Variants in CYP2A6 observed in about 807,000 individuals in gnomAD.
The protein encoded by CYP2A6 is cytochrome P450 2A6.
In CYP2A6, 27 loss-of-function variants were observed where a neutral mutation model predicts 42.3. The observed-to-expected ratio is 0.64, with a 90% CI of 0.47 to 0.88. The LOEUF is 0.88. CYP2A6 is among the 40% of genes least tolerant of loss of function. The probability of loss-of-function intolerance (pLI) is 0.00; values close to 1 mark genes in which losing one functional copy is unlikely to be tolerated. For synonymous variants in CYP2A6, 238 were observed against 246.3 expected, an observed-to-expected ratio of 0.97 and a Z score of 0.31; for missense variants, 628 against 646.0, an observed-to-expected ratio of 0.97 and a Z score of 0.30.
intron 4 of CYP2A6, among the ~76,000 whole-genome samples, chr19:40,847,431 G>A (rs957302672): frequency 6.6e-6 from 1 of 151,438 alleles, no homozygotes; most frequent in African/African-American, 2.4e-5. Flanking sequence ...AGGTATTTAG[G>A]CATTCAAGTA....
intron 4 of CYP2A6, among the ~76,000 whole-genome samples, chr19:40,847,999 T>G (rs1967129173): frequency 2.0e-5 from 3 of 151,738 alleles, no homozygotes; most frequent in African/African-American, 7.3e-5. Context: ...CAGGCTCTGT[T>G]TTGGGGAGCA....
intron 8 of CYP2A6, 35 bp from the exon 9 acceptor site, chr19:40,844,012 C>G (rs1316574682): frequency 6.4e-7 from 1 of 1,558,992 alleles, no homozygotes; most frequent in Non-Finnish European, 8.7e-7. Context: ...GGAGGTGAAG[C>G]CCACTCTCAG....
chr19:40,848,758 C>A lies in CYP2A6; in HGVS notation c.349G>T (p.Val117Leu), dbSNP rs1599779838. The change falls in exon 3 of 9, where the codon GTA (valine) becomes TTA (leucine). Residue 117 changes from valine to leucine, a missense_variant. By Grantham distance (32) the Val-to-Leu change is conservative. Around this residue, in one of 2 missense-constraint regions of CYP2A6, gnomAD observed 606 missense variants for 568.1 expected, o/e 1.07. Transcript: ENST00000301141. ...FDWVFKGYGV[V>L]FSNGERAKQL... ...TTGGCGCGCTCCCCGTTGCTGAATA[C>A]CACGCCTGGGGAGGTGAACGCGGGA... The A allele has an allele frequency of 1.2e-6, 2 of 1,611,112 alleles. No individual in the cohort carries two copies. The highest frequency in any genetic ancestry group is 1.7e-6 in the Non-Finnish European group (2 of 1,179,732).
In CYP2A6 at chr19:40,849,503, G is replaced by T. The variant is rs1430720126; in HGVS notation, c.343+315C>A. Among the ~76,000 whole-genome samples the T allele has an allele frequency of 3.8e-4, 57 of 151,340 alleles. 2 individuals carry two copies. Among genetic ancestry groups the T allele is most frequent in the Non-Finnish European group, 1.2e-4 (8 of 67,962 alleles). On this transcript the variant is annotated intron_variant, in intron 2 of 8. Transcript: ENST00000301141. ...AGCTAAGAGGGACAAAAAGACAAAT[G>T]AAGACAGAGAACCAGGGCTGGAAAA...
chr19:40,845,871 T>A, intron 6 of CYP2A6, 85 bp downstream of exon 6: 4 of 1,551,676 alleles, frequency 2.6e-6, no homozygotes, highest in Non-Finnish European at 3.5e-6. Flanking sequence ...GGTCCCGGGA[T>A]CTGGGACAGG....
intron 6 of CYP2A6, among the ~76,000 whole-genome samples, chr19:40,845,705 A>C (rs1030830887): frequency 1.3e-5 from 2 of 151,400 alleles, no homozygotes; most frequent in African/African-American, 4.9e-5. Context: ...TTAGGGGATG[A>C]CCCGGTGGAA....
chr19:40,848,194 C>T (rs377467261), intron 4 of CYP2A6, 25 bp downstream of exon 4: 6 of 1,609,462 alleles, frequency 3.7e-6, no homozygotes, highest in Non-Finnish European at 5.1e-6. Context: ...GTAGGGGCGT[C>T]ACGGGCCGGG....
intron 5 of CYP2A6, 136 bp downstream of exon 5, chr19:40,846,739 C>G (rs1224266348): frequency 7.4e-7 from 1 of 1,343,984 alleles, no homozygotes; most frequent in Non-Finnish European, 1.0e-6. Flanking sequence ...CTGTTAGCCA[C>G]GGCACCCAGC....
At chr19:40,848,578 C>G (rs372648888) in intron 3 of CYP2A6, 36 bp downstream of exon 3, 135 of 1,605,098 alleles carry the variant, frequency 8.4e-5, no homozygotes, top group Non-Finnish European at 1.1e-4. Context: ...GGGTGTTTTC[C>G]TTCTCCTGCC....
Position 40,848,246 on chromosome 19 carries a change from G to A in CYP2A6, c.627C>T (p.Phe209=). The A allele has an allele frequency of 1.9e-6, 3 of 1,611,836 alleles. No individual in the cohort carries two copies. The highest frequency in any genetic ancestry group is 2.5e-6 in the Non-Finnish European group (3 of 1,179,938). The change falls in exon 4 of 9, where the codon TTC becomes TTT. Residue 209 remains phenylalanine, a synonymous_variant. Transcript: ENST00000301141. The part of the protein sequence containing the change: ...LSLLRMMLGI[F]QFTSTSTGQL... Reference sequence around the variant, plus strand: ...GCCCCGTGGAGGTTGACGTGAACTGGAAGATTCCTAGCATCATGCGCAACA... The same window carrying A: ...GCCCCGTGGAGGTTGACGTGAACTGAAAGATTCCTAGCATCATGCGCAACA...
rs59389036 is a variant in CYP2A6 at position 40,844,767 on chromosome 19, G to C, written c.1167C>G (p.Thr389=). The C allele has an allele frequency of 1.4e-5, 22 of 1,610,534 alleles. No homozygotes were observed. The highest frequency in any genetic ancestry group is 1.9e-5 in the Non-Finnish European group (22 of 1,179,332). The change falls in exon 8 of 9, where the codon ACC becomes ACG. Residue 389 remains threonine (T), a synonymous_variant. Coordinates refer to ENST00000301141, the MANE Select transcript of CYP2A6 (RefSeq NM_000762.6). The part of the protein sequence containing the change: ...KFRDFFLPKG[T]EVYPMLGSVL... ...CAGAGCCCAGCATAGGGTACACTTCGGTGCCCTGGTAGGGAGGAGGAAGTT... is the reference window on the plus strand; with the variant it reads ...CAGAGCCCAGCATAGGGTACACTTCCGTGCCCTGGTAGGGAGGAGGAAGTT...
chr19:40,844,721 A>G lies in CYP2A6; in HGVS notation c.1213T>C (p.Phe405Leu). ...LGSVLRDPSF[F>L]SNPQDFNPQH... is the part of the protein sequence containing the mutation. ...GGATTGAAGTCCTGGGGGTTGGAGA[A>G]GAAACTGGGGTCTCTCAGCACAGAG... The change falls in exon 8 of 9, where the codon TTC becomes CTC. Residue 405 changes from phenylalanine (F) to leucine (L), a missense_variant. Around this residue, in one of 2 missense-constraint regions of CYP2A6, gnomAD observed 606 missense variants for 568.1 expected, o/e 1.07. Coordinates refer to ENST00000301141, the MANE Select transcript of CYP2A6 (RefSeq NM_000762.6). 1.2e-6 allele frequency: 2 copies of G among 1,611,746 alleles called. No individual in the cohort carries two copies. The highest frequency in any genetic ancestry group is 1.7e-4 in the Middle Eastern group (1 of 6,060).
chr19:40,846,341 AGTTTTTTTTT>A (rs1599778260), intron 5 of CYP2A6, among the ~76,000 whole-genome samples: 1 of 144,148 alleles, frequency 6.9e-6, no homozygotes, highest in East Asian at 2.2e-4. Flanking sequence ...CTTAGCTGTC[AGTTTTTTTTT>A]GTTTTTTTTT....
Position 40,844,717 on chromosome 19 carries a change from G to C in CYP2A6, c.1217C>G (p.Ser406Cys), listed in dbSNP as rs757892208. The C allele has an allele frequency of 1.4e-5, 23 of 1,611,730 alleles. 2 individuals are homozygous for C. In the East Asian group the frequency reaches 4.8e-4, roughly 34 times the overall value. Residue 406 changes from serine to cysteine, a missense_variant, in exon 8 of 9, where the codon TCC becomes TGC. Ser to Cys is a moderately radical substitution (Grantham distance 112). Around this residue, in one of 2 missense-constraint regions of CYP2A6, gnomAD observed 606 missense variants for 568.1 expected, o/e 1.07. Transcript: ENST00000301141. ...GSVLRDPSFF[S>C]NPQDFNPQHF... ...CTGGGGATTGAAGTCCTGGGGGTTG[G>C]AGAAGAAACTGGGGTCTCTCAGCAC...
In CYP2A6 at chr19:40,846,879, T is replaced by G. The variant is rs1182943218; in HGVS notation, c.827A>C (p.Gln276Pro). Residue 276 changes from glutamine (Q) to proline (P), a missense_variant, in exon 5 of 9, where the codon CAG (glutamine) becomes CCG (proline). By Grantham distance (76) the Gln-to-Pro change is moderately conservative. Transcript: ENST00000301141. ...GCAGTGGCTGCTGGGGTGTACCTCC[T>G]GCATGCGGATGAGAAAGGAGTCAAT... ...DFIDSFLIRM[Q>P]EEEKNPNTEF... 7.4e-6 allele frequency: 12 copies of G among 1,611,788 alleles called. No homozygotes were observed. The highest frequency in any genetic ancestry group is 8.5e-6 in the Non-Finnish European group (10 of 1,179,866).
intron 5 of CYP2A6, among the ~76,000 whole-genome samples, chr19:40,846,467 C>G (rs539876412): frequency 6.6e-6 from 1 of 151,268 alleles, no homozygotes; most frequent in African/African-American, 2.4e-5. Context: ...ACTGCACATG[C>G]GCATGACCAT....
At position 40,844,555 on chromosome 19, in the gene CYP2A6, C is replaced by T. The variant is rs567580611; in HGVS notation, c.1303+76G>A. On this transcript the variant is annotated intron_variant, in intron 8 of 8. Coordinates refer to ENST00000301141, the MANE Select transcript of CYP2A6 (RefSeq NM_000762.6). ...AAGCTGGAGAAATACCAGGCTACAC[C>T]GCAGAGAGGGGAGGAGGGTGAGGGA... 18 of 1,607,566 alleles carry T rather than the reference C, an allele frequency of 1.1e-5. 1 individual carries two copies. In the Admixed American group the frequency reaches 1.2e-4, roughly 10 times the overall value.
chr19:40,843,967 G>A lies in CYP2A6; in HGVS notation c.1314C>T (p.Asn438=). 6.2e-7 allele frequency: 1 copy of A among 1,603,174 alleles called. No individual in the cohort carries two copies. The highest frequency in any genetic ancestry group is 1.3e-5 in the African/African-American group (1 of 74,372). The part of the protein sequence containing the change: ...AFVPFSIGKR[N]CFGEGLARME... ...TTCTGGCCAGGCCTTCTCCGAAACA[G>A]TTCCGCTTTCCTGAGGAGGAGAGGC... The change falls in exon 9 of 9, where the codon AAC becomes AAT. Residue 438 remains asparagine, a synonymous_variant. Coordinates refer to ENST00000301141, the MANE Select transcript of CYP2A6 (RefSeq NM_000762.6).
Position 40,849,978 on chromosome 19 carries a change from G to A in CYP2A6, c.183C>T (p.Ile61=). The change falls in exon 2 of 9, where the codon ATC becomes ATT. Residue 61 remains isoleucine (I), a splice_region_variant and synonymous_variant. Coordinates refer to ENST00000301141, the MANE Select transcript of CYP2A6 (RefSeq NM_000762.6). ...TEQMYNSLMK[I]SERYGPVFTI... Reference sequence around the variant, plus strand: ...TGAACACGGGGCCATAGCGCTCACTGATCTGATGGAGGTGGGTGGGAGTGG... The same window carrying A: ...TGAACACGGGGCCATAGCGCTCACTAATCTGATGGAGGTGGGTGGGAGTGG... The A allele has an allele frequency of 6.2e-7, 1 of 1,610,684 alleles. No homozygotes were observed. The highest frequency in any genetic ancestry group is 8.5e-7 in the Non-Finnish European group (1 of 1,179,166).
Sources: gnomAD v4.1 joint callset for allele counts (sites outside exome capture counted in the v4.1 genomes callset) on GRCh38, gnomAD v4.1.1 for gene constraint, gnomAD v4.1.1 regional missense constraint, MANE v1.5 for transcripts, NCBI Gene and HGNC (gene_info 2026-07-23, HGNC 2026-07-21) for gene names.